The following MAK variants were observed in gnomAD, a reference collection of about 807,000 sequenced individuals.
The protein encoded by MAK is serine/threonine-protein kinase MAK.
In MAK, 65 loss-of-function variants were observed where a neutral mutation model predicts 82.6. The ratio of observed to expected loss-of-function variants is 0.79; its 90% CI spans 0.64 to 0.97. MAK has a LOEUF of 0.97. Among genes scored for constraint, MAK ranks in the 50% least tolerant of loss-of-function variants. MAK has a pLI of 0.00. For missense variants in MAK, 703 were observed against 780.2 expected (o/e 0.90, Z 1.18); for synonymous variants, 250 against 274.2 (o/e 0.91, Z 0.87).
At chr6:10,778,997 G>A (rs188758694) in intron 11 of MAK, among the ~76,000 whole-genome samples, 23 of 151,848 alleles carry the variant, frequency 1.5e-4, no homozygotes, top group Middle Eastern at 3.4e-3. Flanking sequence ...GCATGGTGGC[G>A]TGTGCCTGTA....
At chr6:10,766,284 TGAG>T (rs1772426030) in intron 14 of MAK, among the ~76,000 whole-genome samples, 1 of 152,000 alleles carries the variant, frequency 6.6e-6, no homozygotes, top group Non-Finnish European at 1.5e-5. Context: ...TAACTGGGAG[TGAG>T]GAGGGAATTC....
Position 10,784,558 on chromosome 6 carries a change from A to G in MAK, c.1331T>C (p.Val444Ala), listed in dbSNP as rs769213984. Residue 444 changes from valine to alanine, a missense_variant, in exon 11 of 15, where the codon GTA becomes GCA. By Grantham distance (64) the Val-to-Ala change is moderately conservative. Transcript: ENST00000354489. ...TGTCGAGTGGTTGGAGCCTGAGGGTACTGGCTCTGGAAGCCTTGAAAGCCA... is the reference window on the plus strand; with the variant it reads ...TGTCGAGTGGTTGGAGCCTGAGGGTGCTGGCTCTGGAAGCCTTGAAAGCCA... ...KDSPFRLPEP[V>A]PSGSNHSTGE... 1 of 1,614,206 alleles carries G rather than the reference A, an allele frequency of 6.2e-7. No homozygotes were observed. Among genetic ancestry groups the G allele is most frequent in the Non-Finnish European group, 8.5e-7 (1 of 1,180,032 alleles).
intron 1 of MAK, among the ~76,000 whole-genome samples, chr6:10,834,914 G>T (rs1779056272): frequency 6.6e-6 from 1 of 152,188 alleles, no homozygotes. Context: ...CGGGCTAGGG[G>T]ACCGGGCAGC....
At chr6:10,788,471 C>T (rs1188229084) in intron 10 of MAK, among the ~76,000 whole-genome samples, 1 of 152,124 alleles carries the variant, frequency 6.6e-6, no homozygotes, top group Non-Finnish European at 1.5e-5. Flanking sequence ...GTGGCTCATG[C>T]CTGTAATCCC....
rs1374351138 is a variant in MAK at position 10,791,802 on chromosome 6, C to T, written c.1189G>A (p.Gly397Ser). ...TCTCCAGACTTGAAGATAGTCTGAC[C>T]CCAACGCCTCCTACCACTTTTATGA... ...LSHKSGRRRW[G>S]QTIFKSGDSW... Residue 397 changes from glycine to serine, a missense_variant, in exon 10 of 15, where the codon GGT becomes AGT. By Grantham distance (56) the Gly-to-Ser change is moderately conservative. Transcript: ENST00000354489. 2 of 1,613,956 alleles carry T rather than the reference C, an allele frequency of 1.2e-6. No individual in the cohort carries two copies. The highest frequency in any genetic ancestry group is 2.7e-5 in the African/African-American group (2 of 74,884).
At chr6:10,807,922 G>T (rs894597155) in intron 6 of MAK, among the ~76,000 whole-genome samples, 1 of 151,938 alleles carries the variant, frequency 6.6e-6, no homozygotes, top group African/African-American at 2.4e-5. Context: ...ACAAAAATTA[G>T]CTGGGCATGG....
chr6:10,779,244 G>C (rs1205346820), intron 11 of MAK: 1 of 750,566 alleles, frequency 1.3e-6, no homozygotes, highest in Non-Finnish European at 1.6e-6. Context: ...GGTGAGACCA[G>C]AGGGCACTGC....
intron 1 of MAK, among the ~76,000 whole-genome samples, chr6:10,833,357 C>G (rs1164081681): frequency 6.6e-6 from 1 of 152,114 alleles, no homozygotes; most frequent in South Asian, 2.1e-4. Context: ...GTAATCCCAA[C>G]GCTTTGGGAG....
intron 14 of MAK, among the ~76,000 whole-genome samples, chr6:10,767,790 C>CAAAAAAAA (rs35961098): frequency 2.9e-5 from 4 of 139,326 alleles, no homozygotes; most frequent in Non-Finnish European, 4.8e-5. Context: ...GACTTTGTCT[C>CAAAAAAAA]AAAAAAAAAA....
At chr6:10,780,880 C>G (rs1299686367) in intron 11 of MAK, among the ~76,000 whole-genome samples, 1 of 151,916 alleles carries the variant, frequency 6.6e-6, no homozygotes, top group East Asian at 1.9e-4. Flanking sequence ...TTTCTTTTTT[C>G]TTTTTCTCTC....
chr6:10,815,068 A>C, intron 4 of MAK, among the ~76,000 whole-genome samples: 1 of 151,978 alleles, frequency 6.6e-6, no homozygotes, highest in African/African-American at 2.4e-5. Flanking sequence ...AGAAATATAT[A>C]TGAGAGCCAC....
At chr6:10,784,355 T>G in intron 11 of MAK, 69 bp downstream of exon 11, 1 of 1,558,936 alleles carries the variant, frequency 6.4e-7, no homozygotes, top group Non-Finnish European at 8.8e-7. Flanking sequence ...TCTTTGGAGA[T>G]TCCAAGACAC....
chr6:10,789,151 C>T (rs1363665133), intron 10 of MAK, among the ~76,000 whole-genome samples: 2 of 143,688 alleles, frequency 1.4e-5, no homozygotes. Flanking sequence ...AAGAGTTATC[C>T]AAGCAAAAAA....
At position 10,796,023 on chromosome 6, in the gene MAK, G is replaced by A. The variant is rs771764863; in HGVS notation, c.1118C>T (p.Pro373Leu). Residue 373 changes from proline to leucine, a missense_variant, in exon 9 of 15, where the codon CCG becomes CTG. Physicochemically the swap from Pro to Leu is moderately conservative, Grantham distance 98 (BLOSUM62 -3). Transcript: ENST00000354489. The part of the protein sequence containing the change: ...SQEKPPQTLF[P>L]SIVKNMPTKP... ...AGTTGGCATGTTTTTGACGATGCTC[G>A]GGAATAGCGTTTGTGGCGGTTTCTC... is the stretch of plus-strand genomic sequence containing the variant. 2.2e-5 allele frequency: 35 copies of A among 1,613,752 alleles called. No individual in the cohort carries two copies. The highest frequency in any genetic ancestry group is 8.9e-5 in the East Asian group (4 of 44,890).
chr6:10,780,006 A>G (rs994898869), intron 11 of MAK, among the ~76,000 whole-genome samples: 15 of 152,146 alleles, frequency 9.9e-5, no homozygotes, highest in African/African-American at 3.6e-4. Context: ...CTTCTTATTC[A>G]GGTTTCTATC....
intron 1 of MAK, among the ~76,000 whole-genome samples, chr6:10,833,606 A>AAATAATAATAATAATAAT (rs36209814): frequency 1.1e-4 from 16 of 147,798 alleles, no homozygotes; most frequent in Non-Finnish European, 1.8e-4. Context: ...CTCTGTCTCA[A>AAATAATAATAATAATAAT]AATAATAATA....
intron 2 of MAK, among the ~76,000 whole-genome samples, chr6:10,829,437 A>G (rs994977648): frequency 6.6e-6 from 1 of 152,180 alleles, no homozygotes; most frequent in Non-Finnish European, 1.5e-5. Flanking sequence ...ATGGTGGCTC[A>G]CACCTGTAAT....
intron 2 of MAK, among the ~76,000 whole-genome samples, chr6:10,819,472 A>G (rs1486552369): frequency 6.6e-6 from 1 of 152,156 alleles, no homozygotes; most frequent in Non-Finnish European, 1.5e-5. Context: ...TCTACTAAAA[A>G]TACAAAACAA....
At chr6:10,788,165 A>T (rs1774753734) in intron 10 of MAK, among the ~76,000 whole-genome samples, 1 of 151,294 alleles carries the variant, frequency 6.6e-6, no homozygotes, top group African/African-American at 2.4e-5. Context: ...TAATTTTTGT[A>T]TTTTTTTGTA....
Sources: gnomAD v4.1 joint callset for allele counts (sites outside exome capture counted in the v4.1 genomes callset) on GRCh38, gnomAD v4.1.1 for gene constraint, MANE v1.5 for transcripts, NCBI Gene and HGNC (gene_info 2026-07-23, HGNC 2026-07-21) for gene names.